FNTA: variants seen among roughly 807,000 people sequenced by gnomAD.
FNTA encodes the protein protein farnesyltransferase/geranylgeranyltransferase type-1 subunit alpha.
A neutral mutation model predicts 55.2 loss-of-function variants in FNTA; 27 were observed. The ratio of observed to expected loss-of-function variants is 0.49; its 90% CI spans 0.36 to 0.67. The LOEUF (loss-of-function observed/expected upper bound fraction) is 0.67, where lower values mean the gene tolerates loss of function less well. Ranked by LOEUF, FNTA falls within the 30% of genes least tolerant of loss-of-function variation. FNTA has a pLI of 0.00. For missense variants in FNTA, 422 were observed against 464.7 expected, an observed-to-expected ratio of 0.91 and a Z score of 0.85; for synonymous variants, 176 against 170.7, an observed-to-expected ratio of 1.03 and a Z score of -0.24.
chr8:43,075,679 G>A (rs1383553747), intron 5 of FNTA, among the ~76,000 whole-genome samples: 1 of 152,098 alleles, frequency 6.6e-6, no homozygotes, highest in South Asian at 2.1e-4. Context: ...AGCCGGTTAT[G>A]TTGGCTCACA....
intron 4 of FNTA, chr8:43,070,106 T>C (rs372660091): frequency 6.6e-6 from 1 of 150,826 alleles, no homozygotes; most frequent in Non-Finnish European, 1.5e-5. Flanking sequence ...ATACAGAAAT[T>C]AGCCGGGTGT....
At chr8:43,063,414 TGA>T in intron 2 of FNTA, 1 of 413,140 alleles carries the variant, frequency 2.4e-6, no homozygotes, top group Middle Eastern at 6.9e-4. Context: ...AGTATATTTG[TGA>T]GAGAACTTTC....
intron 8 of FNTA, 139 bp downstream of exon 8, chr8:43,085,020 C>T: frequency 2.7e-6 from 3 of 1,114,162 alleles, no homozygotes; most frequent in Middle Eastern, 2.1e-4. Flanking sequence ...GCAGCATTGA[C>T]ATCACTTGGC....
chr8:43,063,746 CA>C, intron 2 of FNTA, among the ~76,000 whole-genome samples: 1 of 152,000 alleles, frequency 6.6e-6, no homozygotes, highest in African/African-American at 2.4e-5. Flanking sequence ...GCATATTTTT[CA>C]GTTAAAAATC....
chr8:43,083,046 A>AG (rs1666951511), intron 6 of FNTA, 72 bp from the exon 7 acceptor site: 2 of 887,548 alleles, frequency 2.3e-6, no homozygotes, highest in Non-Finnish European at 1.7e-6. Context: ...ACTCCGTTTC[A>AG]GAAAAAAAAA....
intron 3 of FNTA, among the ~76,000 whole-genome samples, chr8:43,067,301 G>C (rs1482110459): frequency 2.6e-5 from 4 of 152,142 alleles, no homozygotes; most frequent in African/African-American, 7.2e-5. Flanking sequence ...TTTTCTTAAA[G>C]TCTTATTCTG....
At chr8:43,064,848 T>A (rs1586654715) in intron 3 of FNTA, among the ~76,000 whole-genome samples, 2 of 151,556 alleles carry the variant, frequency 1.3e-5, no homozygotes, top group African/African-American at 2.4e-5. Flanking sequence ...ACTTTTATTT[T>A]TTTTTTTTGA....
intron 1 of FNTA, among the ~76,000 whole-genome samples, chr8:43,058,024 C>T (rs1436810405): frequency 6.6e-6 from 1 of 151,730 alleles, no homozygotes; most frequent in Non-Finnish European, 1.5e-5. Context: ...TTTTGTTACA[C>T]TGGGTAGGTA....
intron 5 of FNTA, 64 bp downstream of exon 5, chr8:43,072,371 C>CTTT: frequency 7.9e-7 from 1 of 1,261,840 alleles, no homozygotes; most frequent in Non-Finnish European, 1.1e-6. Flanking sequence ...TAAAATTACT[C>CTTT]TTAAAGTCTG....
At chr8:43,083,002 TGC>T in intron 6 of FNTA, 114 bp from the exon 7 acceptor site, 1 of 565,220 alleles carries the variant, frequency 1.8e-6, no homozygotes, top group Non-Finnish European at 3.1e-6. Flanking sequence ...GCTGAGATTG[TGC>T]CACTGCACTC....
intron 2 of FNTA, among the ~76,000 whole-genome samples, chr8:43,060,012 G>T (rs1030604092): frequency 2.0e-5 from 3 of 152,150 alleles, no homozygotes; most frequent in South Asian, 2.1e-4. Context: ...TATGAAAAGG[G>T]TGGATTAATC....
intron 1 of FNTA, among the ~76,000 whole-genome samples, chr8:43,058,184 T>C (rs186990893): frequency 1.2e-3 from 190 of 152,168 alleles, no homozygotes; most frequent in African/African-American, 4.5e-3. Context: ...CTAAGGTTGG[T>C]AGGTAATAAT....
chr8:43,062,168 GTT>G, intron 2 of FNTA, among the ~76,000 whole-genome samples: 1 of 95,560 alleles, frequency 1.0e-5, no homozygotes, highest in South Asian at 4.0e-4. Flanking sequence ...ATATGTGTAT[GTT>G]TTATGTGTGT....
intron 1 of FNTA, among the ~76,000 whole-genome samples, chr8:43,058,584 A>T (rs1331615811): frequency 6.6e-6 from 1 of 152,130 alleles, no homozygotes; most frequent in Non-Finnish European, 1.5e-5. Context: ...ATCCTGGCCA[A>T]CATGGTGAAA....
At chr8:43,064,041 AC>A in intron 2 of FNTA, 59 bp from the exon 3 acceptor site, 1 of 999,378 alleles carries the variant, frequency 1.0e-6, no homozygotes, top group Non-Finnish European at 1.6e-6. Flanking sequence ...GTGACATTAT[AC>A]ATTATAGTGC....
intron 3 of FNTA, among the ~76,000 whole-genome samples, chr8:43,066,613 T>TGTGTG (rs59567255): frequency 6.6e-6 from 1 of 151,678 alleles, no homozygotes; most frequent in African/African-American, 2.4e-5. Flanking sequence ...TGTGTGTGTG[T>TGTGTG]TTAATTTCAT....
At position 43,077,330 on chromosome 8, in the gene FNTA, T is replaced by A. The variant is rs1803597; in HGVS notation, c.748T>A (p.Tyr250Asn). The change falls in exon 6 of 9, where the codon TAC becomes AAC. Residue 250 changes from tyrosine (Y) to asparagine (N), a missense_variant. This residue lies in a region of FNTA where 262 missense variants were observed against 343.1 expected (regional missense o/e 0.76). Transcript: ENST00000302279. Reference protein sequence around the residue: ...RYFVISNTTGYNDRAVLEREV... With the variant: ...RYFVISNTTGNNDRAVLEREV... ...CTTCGTTATTTCTAACACCACTGGC[T>A]ACAATGATCGTGCTGTATTGGAGAG... 1 of 1,613,170 alleles carries A rather than the reference T, an allele frequency of 6.2e-7. No individual in the cohort carries two copies. The highest frequency in any genetic ancestry group is 1.1e-5 in the South Asian group (1 of 90,928).
At chr8:43,083,984 A>C (rs1250006391) in intron 7 of FNTA, among the ~76,000 whole-genome samples, 1 of 151,986 alleles carries the variant, frequency 6.6e-6, no homozygotes, top group Non-Finnish European at 1.5e-5. Context: ...GAAGCACGAG[A>C]GTTGCTTGAA....
At chr8:43,064,026 G>T in intron 2 of FNTA, 75 bp from the exon 3 acceptor site, 1 of 885,792 alleles carries the variant, frequency 1.1e-6, no homozygotes. Context: ...ATCTTTATAG[G>T]TATAGTGACA....
Sources: allele counts gnomAD v4.1 joint callset (sites outside exome capture counted in the v4.1 genomes callset), GRCh38; gene constraint gnomAD v4.1.1; regional missense constraint gnomAD v4.1.1; transcripts MANE v1.5; gene names NCBI Gene and HGNC (gene_info 2026-07-23, HGNC 2026-07-21).